The following OLFML2B variants were observed in gnomAD, a reference collection of about 807,000 sequenced individuals.
OLFML2B encodes the protein olfactomedin-like protein 2B.
A neutral mutation model predicts 74.9 loss-of-function variants in OLFML2B; 57 were observed. The ratio of observed to expected loss-of-function variants is 0.76; its 90% CI spans 0.61 to 0.95. OLFML2B has a LOEUF of 0.95. Ranked by LOEUF, OLFML2B falls within the 40% of genes least tolerant of loss-of-function variation. The probability of loss-of-function intolerance (pLI) is 0.00; values close to 1 mark genes in which losing one functional copy is unlikely to be tolerated. For missense variants in OLFML2B, 986 were observed against 970.6 expected, an observed-to-expected ratio of 1.02 and a Z score of -0.21; for synonymous variants, 388 against 405.8, an observed-to-expected ratio of 0.96 and a Z score of 0.53.
intron 4 of OLFML2B, among the ~76,000 whole-genome samples, chr1:162,005,726 C>T (rs903730293): frequency 2.0e-5 from 3 of 152,022 alleles, no homozygotes; most frequent in Middle Eastern, 3.4e-3. Flanking sequence ...CATAACAAGA[C>T]CCTGTATTTA....
At chr1:162,019,788 C>T (rs1320974375) in intron 2 of OLFML2B, 131 bp downstream of exon 2, 2 of 1,160,018 alleles carry the variant, frequency 1.7e-6, no homozygotes, top group Non-Finnish European at 2.4e-6. Context: ...AACCTTGATC[C>T]ACACACAGCA....
Position 161,986,126 on chromosome 1 carries a change from G to A in OLFML2B, c.1475-1146C>T, listed in dbSNP as rs1689588090. Among the ~76,000 whole-genome samples the A allele has an allele frequency of 2.0e-5, 3 of 152,190 alleles. No homozygotes were observed. The South Asian group carries it at 6.2e-4, about 32-fold the overall frequency. ...GAGCCACATGAATGCTGCCCTCACA[G>A]CTTCCTTACCCCCTGCTGGCAGCTG... On this transcript the variant is annotated intron_variant, in intron 6 of 7. Coordinates refer to ENST00000294794, the MANE Select transcript of OLFML2B (RefSeq NM_015441.3).
chr1:162,002,191 G>A (rs1164091322), intron 4 of OLFML2B, among the ~76,000 whole-genome samples: 2 of 152,228 alleles, frequency 1.3e-5, no homozygotes, highest in African/African-American at 2.4e-5. Context: ...AGCTGCTTTG[G>A]TGGCTCCATC....
At chr1:162,017,349 T>G (rs1448957933) in intron 3 of OLFML2B, 51 bp downstream of exon 3, 6 of 1,401,444 alleles carry the variant, frequency 4.3e-6, no homozygotes, top group Non-Finnish European at 6.0e-6. Context: ...ACGTTTGATA[T>G]GCTTTTGGGC....
chr1:162,008,749 T>C (rs549714013), intron 3 of OLFML2B, among the ~76,000 whole-genome samples: 3 of 152,254 alleles, frequency 2.0e-5, no homozygotes, highest in African/African-American at 7.2e-5. Context: ...CCCCAGATAC[T>C]CTGTGTACAC....
In OLFML2B at chr1:161,998,192, T is replaced by G. The variant is rs1260884549; in HGVS notation, c.1107A>C (p.Ala369=). 6.2e-7 allele frequency: 1 copy of G among 1,614,004 alleles called. No individual in the cohort carries two copies. The highest frequency in any genetic ancestry group is 8.5e-7 in the Non-Finnish European group (1 of 1,180,016). The change falls in exon 6 of 8, where the codon GCA becomes GCC. Residue 369 remains alanine (A), a synonymous_variant. Coordinates refer to ENST00000294794, the MANE Select transcript of OLFML2B (RefSeq NM_015441.3). ...GCTGTGGCAGTGCTGAGGACCAGGG[T>G]GCGGTCCGAGCGTTCAGGTCGCTTG... is the stretch of plus-strand genomic sequence containing the variant. ...AVTSDLNART[A]PWSSALPQPS... is the part of the protein sequence containing the mutation.
Position 162,023,301 on chromosome 1 carries a change from T to C in OLFML2B, c.130A>G (p.Thr44Ala). 1 of 1,594,362 alleles carries C rather than the reference T, an allele frequency of 6.3e-7. No individual in the cohort carries two copies. Among genetic ancestry groups the C allele is most frequent in the Non-Finnish European group, 8.6e-7 (1 of 1,167,852 alleles). Reference sequence around the variant, plus strand: ...TGGTTGTCCGCCTCGTTTTGCAGAGTCTCGTCCTCCGCAGGCGCCACTGTC... The same window carrying C: ...TGGTTGTCCGCCTCGTTTTGCAGAGCCTCGTCCTCCGCAGGCGCCACTGTC... The part of the protein sequence containing the change: ...AQTVAPAEDE[T>A]LQNEADNQEN... The change falls in exon 1 of 8, where the codon ACT becomes GCT. Residue 44 changes from threonine to alanine, a missense_variant. By Grantham distance (58) the Thr-to-Ala change is moderately conservative. Transcript: ENST00000294794.
intron 6 of OLFML2B, among the ~76,000 whole-genome samples, chr1:161,988,642 C>G (rs1689654201): frequency 6.9e-6 from 1 of 145,884 alleles, no homozygotes; most frequent in Non-Finnish European, 1.5e-5. Context: ...CCTGCCTGGT[C>G]TGGCCTTCTC....
Position 161,984,984 on chromosome 1 carries a change from G to GT in OLFML2B, c.1475-5dup, listed in dbSNP as rs1558051884. 1.9e-6 allele frequency: 3 copies of GT among 1,603,192 alleles called. No individual in the cohort carries two copies. The highest frequency in any genetic ancestry group is 2.6e-6 in the Non-Finnish European group (3 of 1,175,890). On this transcript the variant is annotated splice_region_variant and splice_polypyrimidine_tract_variant and intron_variant, in intron 6 of 7. Transcript: ENST00000294794. ...GAGAGAGTGTCCTTGCACCTTCCTG[G>GT]TGGAGAAGAGGTGGATGGAGGTTTT...
At position 162,000,123 on chromosome 1, in the gene OLFML2B, A is replaced by G. The variant is rs1394115477; in HGVS notation, c.939T>C (p.Ile313=). The G allele has an allele frequency of 6.3e-6, 10 of 1,595,692 alleles. No individual in the cohort carries two copies. Among genetic ancestry groups the G allele is most frequent in the African/African-American group, 1.3e-5 (1 of 74,420 alleles). ...KAKVSEEEND[I]EEQQDEFFSG... ...TTGACCCCAACTCACGCTGCTCTTCAATGTCATTCTCTTCTTCAGAGACCT... is the reference window on the plus strand; with the variant it reads ...TTGACCCCAACTCACGCTGCTCTTCGATGTCATTCTCTTCTTCAGAGACCT... The change falls in exon 5 of 8, where the codon ATT becomes ATC. Residue 313 remains isoleucine, a synonymous_variant. Coordinates refer to ENST00000294794, the MANE Select transcript of OLFML2B (RefSeq NM_015441.3).
chr1:162,005,613 C>T (rs1690199331), intron 4 of OLFML2B, among the ~76,000 whole-genome samples: 1 of 152,098 alleles, frequency 6.6e-6, no homozygotes, highest in Non-Finnish European at 1.5e-5. Context: ...ATGCCAGGGC[C>T]AGGTACAGTG....
At chr1:162,008,979 C>A (rs1690305194) in intron 3 of OLFML2B, among the ~76,000 whole-genome samples, 1 of 152,162 alleles carries the variant, frequency 6.6e-6, no homozygotes, top group South Asian at 2.1e-4. Flanking sequence ...GTAGCTCTCA[C>A]AGCCTAAGAC....
chr1:162,020,716 T>C (rs1384788158), intron 1 of OLFML2B, among the ~76,000 whole-genome samples: 5 of 152,138 alleles, frequency 3.3e-5, no homozygotes. Context: ...AGTTTCACCA[T>C]GTTTGCCAGG....
chr1:162,008,989 C>T (rs1408377748), intron 3 of OLFML2B, among the ~76,000 whole-genome samples: 4 of 152,144 alleles, frequency 2.6e-5, no homozygotes, highest in Non-Finnish European at 5.9e-5. Context: ...CAGCCTAAGA[C>T]AGATCACCAA....
intron 1 of OLFML2B, 34 bp downstream of exon 1, chr1:162,023,223 G>T: frequency 1.4e-6 from 2 of 1,469,146 alleles, no homozygotes; most frequent in Non-Finnish European, 1.8e-6. Flanking sequence ...ACCATCCAGG[G>T]CAAGAAGGGC....
At chr1:162,004,676 C>T (rs1012806258) in intron 4 of OLFML2B, among the ~76,000 whole-genome samples, 7 of 152,152 alleles carry the variant, frequency 4.6e-5, no homozygotes, top group Non-Finnish European at 1.0e-4. Context: ...CCCACACACC[C>T]AGACTTCCTG....
chr1:161,995,314 C>T (rs1164074212), intron 6 of OLFML2B, among the ~76,000 whole-genome samples: 4 of 152,120 alleles, frequency 2.6e-5, no homozygotes, highest in East Asian at 1.9e-4. Context: ...CTTCTGCAGT[C>T]GACATAAGAG....
rs778998002 is a variant in OLFML2B at position 162,000,211 on chromosome 1, T to G, written c.851A>C (p.His284Pro). 2.5e-6 allele frequency: 4 copies of G among 1,613,828 alleles called. No individual in the cohort carries two copies. Among genetic ancestry groups the G allele is most frequent in the Non-Finnish European group, 3.4e-6 (4 of 1,179,954 alleles). Residue 284 changes from histidine (H) to proline (P), a missense_variant, in exon 5 of 8, where the codon CAC becomes CCC. Coordinates refer to ENST00000294794, the MANE Select transcript of OLFML2B (RefSeq NM_015441.3). ...CTGGGAGGCCGGCCGGCCTCTCAGG[T>G]GGACCTGCCTCTGCAGGGGCCGCTG... ...KSQRPLQRQV[H>P]LRGRPASQPT...
chr1:161,986,705 G>A (rs1388833944), intron 6 of OLFML2B, among the ~76,000 whole-genome samples: 1 of 152,200 alleles, frequency 6.6e-6, no homozygotes, highest in Non-Finnish European at 1.5e-5. Context: ...AGCTAAGCAG[G>A]GCCCTGGCTG....
Sources: gnomAD v4.1 joint callset for allele counts (sites outside exome capture counted in the v4.1 genomes callset) on GRCh38, gnomAD v4.1.1 for gene constraint, MANE v1.5 for transcripts, NCBI Gene and HGNC (gene_info 2026-07-23, HGNC 2026-07-21) for gene names.